EBF2: variants seen among roughly 807,000 people sequenced by gnomAD.
The protein encoded by EBF2 is EBF transcription factor 2.
Under a neutral mutation model 72.8 loss-of-function variants are expected in EBF2, and 21 were observed. The observed-to-expected ratio is 0.29, with a 90% CI of 0.20 to 0.42. The LOEUF (loss-of-function observed/expected upper bound fraction) is 0.42, where lower values mean the gene tolerates loss of function less well. Ranked by LOEUF, EBF2 falls within the 10% of genes least tolerant of loss-of-function variation. The pLI is 1.00. For missense variants in EBF2, 637 were observed against 731.2 expected (o/e 0.87, Z 1.49); for synonymous variants, 299 against 274.2 (o/e 1.09, Z -0.89).
At chr8:25,968,286 G>A (rs1399634451) in intron 6 of EBF2, among the ~76,000 whole-genome samples, 1 of 152,096 alleles carries the variant, frequency 6.6e-6, no homozygotes, top group Non-Finnish European at 1.5e-5. Flanking sequence ...GCAACCTGAA[G>A]TGTCCATCAA....
At chr8:25,946,069 G>A (rs923998373) in intron 6 of EBF2, among the ~76,000 whole-genome samples, 1 of 152,114 alleles carries the variant, frequency 6.6e-6, no homozygotes, top group Non-Finnish European at 1.5e-5. Context: ...GGCGTGATGG[G>A]GAAATGCCAC....
At chr8:25,850,544 T>C (rs1297366809) in intron 15 of EBF2, 50 bp downstream of exon 15, 1 of 1,472,750 alleles carries the variant, frequency 6.8e-7, no homozygotes, top group African/African-American at 1.5e-5. Flanking sequence ...GCTCTTACTT[T>C]GCCAACCCTA....
Position 25,905,561 on chromosome 8 carries a change from T to C in EBF2, c.633+2913A>G, listed in dbSNP as rs537047952. On this transcript the variant is annotated intron_variant, in intron 7 of 15. Transcript: ENST00000520164. ...ACATAGAGGAACTTTAAAAACATTA[T>C]GCTAACAGACAAAAACAGACACAAA... Among the ~76,000 whole-genome samples, 13 of 152,320 alleles carry C rather than the reference T, an allele frequency of 8.5e-5. 1 individual carries two copies. In the East Asian group the frequency reaches 2.3e-3, roughly 27 times the overall value.
intron 6 of EBF2, among the ~76,000 whole-genome samples, chr8:25,949,858 G>T (rs1803829508): frequency 1.3e-5 from 2 of 152,184 alleles, no homozygotes; most frequent in South Asian, 4.1e-4. Flanking sequence ...GCCTCGAGCT[G>T]GCCTGCAGGC....
At chr8:26,039,273 G>A (rs771102626) in intron 5 of EBF2, among the ~76,000 whole-genome samples, 7 of 152,078 alleles carry the variant, frequency 4.6e-5, no homozygotes, top group Non-Finnish European at 1.0e-4. Context: ...GAATGCACAG[G>A]ACTCAAGGTG....
At chr8:25,969,779 A>T (rs1391896025) in intron 6 of EBF2, among the ~76,000 whole-genome samples, 2 of 152,134 alleles carry the variant, frequency 1.3e-5, no homozygotes, top group African/African-American at 4.8e-5. Context: ...ATCACAGCTC[A>T]CTGCAGCTTT....
chr8:25,932,515 T>C (rs1300618408), intron 6 of EBF2, among the ~76,000 whole-genome samples: 1 of 152,220 alleles, frequency 6.6e-6, no homozygotes, highest in African/African-American at 2.4e-5. Context: ...AATTTTGATA[T>C]TTTGACACTT....
chr8:25,862,903 G>A, intron 10 of EBF2, 106 bp from the exon 11 acceptor site: 1 of 644,910 alleles, frequency 1.6e-6, no homozygotes, highest in Non-Finnish European at 2.4e-6. Flanking sequence ...CATAATGGAT[G>A]TAATCAGTTA....
At chr8:25,884,308 A>T (rs1273554550) in intron 10 of EBF2, among the ~76,000 whole-genome samples, 2 of 152,116 alleles carry the variant, frequency 1.3e-5, no homozygotes, top group Non-Finnish European at 1.5e-5. Context: ...AGTGAACACC[A>T]GTGAACCAAA....
At chr8:25,969,712 G>T (rs1422649008) in intron 6 of EBF2, among the ~76,000 whole-genome samples, 1 of 152,200 alleles carries the variant, frequency 6.6e-6, no homozygotes, top group East Asian at 1.9e-4. Context: ...CAGGTTTGGG[G>T]ACAGATGGAT....
chr8:25,864,188 A>G (rs1168589917), intron 10 of EBF2, among the ~76,000 whole-genome samples: 1 of 152,208 alleles, frequency 6.6e-6, no homozygotes, highest in Non-Finnish European at 1.5e-5. Flanking sequence ...TTTCAGACAT[A>G]CGGTCAAATC....
intron 6 of EBF2, among the ~76,000 whole-genome samples, chr8:26,003,948 C>T (rs142636500): frequency 2.6e-4 from 40 of 152,238 alleles, no homozygotes; most frequent in African/African-American, 8.9e-4. Context: ...TAGTTTGTAG[C>T]AAAGCTCTTT....
chr8:26,027,348 T>C (rs1563212969), intron 6 of EBF2, among the ~76,000 whole-genome samples: 3 of 151,980 alleles, frequency 2.0e-5, no homozygotes, highest in Non-Finnish European at 2.9e-5. Context: ...AGAGACTGTG[T>C]TAGACAGCAG....
chr8:25,850,116 TTTGA>T (rs1186596994), intron 15 of EBF2, among the ~76,000 whole-genome samples: 5 of 152,128 alleles, frequency 3.3e-5, no homozygotes, highest in African/African-American at 1.2e-4. Flanking sequence ...TTTAAAAAAA[TTTGA>T]TTATTTTTTG....
chr8:26,019,563 G>A (rs1029576435), intron 6 of EBF2, among the ~76,000 whole-genome samples: 1 of 152,200 alleles, frequency 6.6e-6, no homozygotes, highest in South Asian at 2.1e-4. Context: ...GGACCTATAG[G>A]ATCATCTGCT....
At chr8:25,946,458 C>T (rs1803770390) in intron 6 of EBF2, among the ~76,000 whole-genome samples, 1 of 152,192 alleles carries the variant, frequency 6.6e-6, no homozygotes, top group African/African-American at 2.4e-5. Flanking sequence ...TCCCAGCAGT[C>T]ATCTGGGGTG....
intron 6 of EBF2, among the ~76,000 whole-genome samples, chr8:26,008,164 A>T (rs564023677): frequency 3.6e-4 from 55 of 152,104 alleles, no homozygotes; most frequent in African/African-American, 1.3e-3. Context: ...GTATGGGTCT[A>T]TGTTTCCCAA....
chr8:25,999,539 A>G (rs7013698), intron 6 of EBF2, among the ~76,000 whole-genome samples: 82,568 of 151,358 alleles, frequency 0.55, 23,963 homozygotes, highest in Admixed American at 0.64. Context: ...TCCCTCCGCA[A>G]TCTTGGTCTC....
At chr8:25,844,748 C>T in intron 15 of EBF2, 108 bp from the exon 16 acceptor site, 5 of 1,411,394 alleles carry the variant, frequency 3.5e-6, no homozygotes, top group Non-Finnish European at 5.0e-6. Context: ...TGATGCTATT[C>T]AAGGAGATGG....
Sources: allele counts gnomAD v4.1 joint callset (sites outside exome capture counted in the v4.1 genomes callset), GRCh38; gene constraint gnomAD v4.1.1; transcripts MANE v1.5; gene names NCBI Gene and HGNC (gene_info 2026-07-23, HGNC 2026-07-21).